Variants in FILIP1 observed in about 807,000 individuals in gnomAD.
FILIP1 encodes the protein filamin-A-interacting protein 1.
In FILIP1, 61 loss-of-function variants were observed where a neutral mutation model predicts 102.1. The observed-to-expected ratio is 0.60, with a 90% confidence interval of 0.49 to 0.74. FILIP1 has a LOEUF of 0.74. Among genes scored for constraint, FILIP1 ranks in the 30% least tolerant of loss-of-function variants. The pLI is 0.00. For missense variants in FILIP1, 1,314 were observed against 1,441.2 expected, an observed-to-expected ratio of 0.91 and a Z score of 1.43; for synonymous variants, 491 against 526.9, an observed-to-expected ratio of 0.93 and a Z score of 0.93.
Position 75,297,180 on chromosome 6 carries a change from A to G in FILIP1, c.3494-1230T>C, listed in dbSNP as rs1386641603. On this transcript the variant is annotated intron_variant, in intron 6 of 6. Coordinates refer to the FILIP1 transcript ENST00000393004. The stretch of plus-strand genomic sequence containing the variant: ...TTATCAATAACATGAAGAAATTTCT[A>G]CCTATTATTTTCACATCCATCCCAA... Among the ~76,000 whole-genome samples, 3 of 152,140 alleles carry G rather than the reference A, an allele frequency of 2.0e-5. No homozygotes were observed. The East Asian group carries it at 5.8e-4, about 29-fold the overall frequency.
chr6:75,423,321 C>T (rs1777528186), intron 1 of FILIP1, among the ~76,000 whole-genome samples: 1 of 152,070 alleles, frequency 6.6e-6, no homozygotes, highest in Non-Finnish European at 1.5e-5. Flanking sequence ...TAGCATTGAA[C>T]CATTTCTCTA....
At chr6:75,373,220 T>C (rs59502886) in intron 2 of FILIP1, among the ~76,000 whole-genome samples, 1,700 of 152,242 alleles carry the variant, frequency 0.011, 38 homozygotes, top group African/African-American at 0.039. Context: ...TACAGGTACT[T>C]AGAGTACTCA....
chr6:75,392,201 G>A (rs1169175447), intron 2 of FILIP1, among the ~76,000 whole-genome samples: 1 of 152,032 alleles, frequency 6.6e-6, no homozygotes, highest in Non-Finnish European at 1.5e-5. Flanking sequence ...CTTAGTCCTT[G>A]GACCTCTTAT....
At chr6:75,428,701 G>C (rs1048227310) in intron 1 of FILIP1, among the ~76,000 whole-genome samples, 1 of 152,156 alleles carries the variant, frequency 6.6e-6, no homozygotes, top group African/African-American at 2.4e-5. Flanking sequence ...TCCATGAAAG[G>C]ATTATATGCC....
At chr6:75,482,268 T>A (rs1779668353) in intron 1 of FILIP1, among the ~76,000 whole-genome samples, 1 of 152,208 alleles carries the variant, frequency 6.6e-6, no homozygotes. Context: ...ATCAAGCAAT[T>A]ATACTCAATA....
At chr6:75,295,736 G>T in exon 7 of FILIP1, 1 of 404,052 alleles carries the variant, frequency 2.5e-6, no homozygotes, top group Non-Finnish European at 4.3e-6. Context: ...CATATTATCA[G>T]CAAGGCCATT....
At position 75,362,818 on chromosome 6, in the gene FILIP1, C is replaced by T. The variant is rs745415665; in HGVS notation, c.376G>A (p.Val126Ile). ...GSAEPEKVLR[V>I]LHRDAILAQE... is the part of the protein sequence containing the mutation. Reference sequence around the variant, plus strand: ...GCAAGAATGGCATCTCGGTGCAGGACCCGCAGCACTTTCTCTGGCTCCGCA... The same window carrying T: ...GCAAGAATGGCATCTCGGTGCAGGATCCGCAGCACTTTCTCTGGCTCCGCA... The change falls in exon 3 of 6, where the codon GTC (valine) becomes ATC (isoleucine). Residue 126 changes from valine to isoleucine, a missense_variant. Coordinates refer to ENST00000237172, the MANE Select transcript of FILIP1 (RefSeq NM_015687.5). 6.2e-7 allele frequency: 1 copy of T among 1,613,866 alleles called. No individual in the cohort carries two copies. The highest frequency in any genetic ancestry group is 1.3e-5 in the African/African-American group (1 of 74,898).
chr6:75,422,727 A>G (rs1241488564), intron 1 of FILIP1, among the ~76,000 whole-genome samples: 2 of 152,200 alleles, frequency 1.3e-5, no homozygotes, highest in African/African-American at 4.8e-5. Context: ...CCTGATAGAC[A>G]TTGGTGCAAA....
chr6:75,294,397 A>G (rs1335636789), exon 7 of FILIP1: 1 of 152,118 alleles, frequency 6.6e-6, no homozygotes. Context: ...CTTTAAAGTT[A>G]TCTTTAAAGA....
intron 2 of FILIP1, among the ~76,000 whole-genome samples, chr6:75,371,635 T>A (rs1775522332): frequency 6.6e-6 from 1 of 152,206 alleles, no homozygotes; most frequent in African/African-American, 2.4e-5. Flanking sequence ...ATACGATCAA[T>A]GGAATGGAAT....
intron 4 of FILIP1, among the ~76,000 whole-genome samples, chr6:75,352,331 A>G (rs1049635095): frequency 1.3e-5 from 2 of 152,184 alleles, no homozygotes; most frequent in African/African-American, 4.8e-5. Context: ...AAGCATGGGG[A>G]TTCAATATCA....
Position 75,442,482 on chromosome 6 carries a change from C to G in FILIP1, c.-6-27504G>C, listed in dbSNP as rs562892413. Among the ~76,000 whole-genome samples the G allele has an allele frequency of 7.0e-3, 1,065 of 151,942 alleles. 6 individuals carry two copies. Among genetic ancestry groups the G allele is most frequent in the Middle Eastern group, 0.017 (5 of 294 alleles). ...GGGCACCATTGAGCACTGAGTGAAC[C>G]AGACTCCGTCTGCAATCCCGGCACC... On this transcript the variant is annotated intron_variant, in intron 1 of 5. Coordinates refer to ENST00000237172, the MANE Select transcript of FILIP1 (RefSeq NM_015687.5).
chr6:75,453,628 T>C (rs1778714848), intron 1 of FILIP1, among the ~76,000 whole-genome samples: 1 of 152,068 alleles, frequency 6.6e-6, no homozygotes, highest in Non-Finnish European at 1.5e-5. Context: ...CTGGGCAACA[T>C]AGCAAGACCC....
intron 1 of FILIP1, among the ~76,000 whole-genome samples, chr6:75,460,807 A>G (rs1020856096): frequency 2.0e-5 from 3 of 152,196 alleles, no homozygotes; most frequent in Admixed American, 6.5e-5. Flanking sequence ...GAGTGTTACA[A>G]AAAAATGTGT....
intron 1 of FILIP1, among the ~76,000 whole-genome samples, chr6:75,426,090 T>C (rs950050939): frequency 6.6e-6 from 1 of 152,158 alleles, no homozygotes; most frequent in Non-Finnish European, 1.5e-5. Flanking sequence ...TGAATGGGTG[T>C]GGCTGGAGTT....
chr6:75,363,567 G>A lies in FILIP1; in HGVS notation c.277-650C>T, dbSNP rs74962831. On this transcript the variant is annotated intron_variant, in intron 2 of 5. Coordinates refer to ENST00000237172, the MANE Select transcript of FILIP1 (RefSeq NM_015687.5). ...TCAGTTAGATGAGTCAGCTTGGTAGGTCAGAGTTTTGTTTGTTTGTTTCTT... is the reference window on the plus strand; with the variant it reads ...TCAGTTAGATGAGTCAGCTTGGTAGATCAGAGTTTTGTTTGTTTGTTTCTT... Among the ~76,000 whole-genome samples the A allele has an allele frequency of 3.7e-3, 558 of 152,278 alleles. 1 individual carries two copies. The highest frequency in any genetic ancestry group is 0.013 in the African/African-American group (535 of 41,542).
At chr6:75,417,763 G>A (rs991021348) in intron 1 of FILIP1, among the ~76,000 whole-genome samples, 1 of 152,160 alleles carries the variant, frequency 6.6e-6, no homozygotes, top group Admixed American at 6.5e-5. Flanking sequence ...GCTACTCCTA[G>A]TGGAGAGAAA....
chr6:75,435,318 A>C (rs1192699217), intron 1 of FILIP1, among the ~76,000 whole-genome samples: 1 of 152,238 alleles, frequency 6.6e-6, no homozygotes, highest in African/African-American at 2.4e-5. Flanking sequence ...ATCAATTCAG[A>C]GGTCCCTACA....
intron 1 of FILIP1, among the ~76,000 whole-genome samples, chr6:75,463,231 C>G (rs545061725): frequency 4.6e-5 from 7 of 152,160 alleles, no homozygotes; most frequent in East Asian, 1.9e-4. Context: ...CCCATACCCC[C>G]CTTTCCCTAA....
Sources: gnomAD v4.1 joint callset for allele counts (sites outside exome capture counted in the v4.1 genomes callset) on GRCh38, gnomAD v4.1.1 for gene constraint, MANE v1.5 for transcripts, NCBI Gene and HGNC (gene_info 2026-07-23, HGNC 2026-07-21) for gene names.